Variants in FSTL5 observed in about 807,000 individuals in gnomAD.
FSTL5 encodes the protein follistatin like 5.
In FSTL5, 62 loss-of-function variants were observed where a neutral mutation model predicts 89.1. The ratio of observed to expected loss-of-function variants is 0.70; its 90% confidence interval spans 0.57 to 0.86. The LOEUF (loss-of-function observed/expected upper bound fraction) is 0.86, where lower values mean the gene tolerates loss of function less well. FSTL5 is among the 40% of genes least tolerant of loss of function. FSTL5 has a pLI of 0.00. For synonymous variants in FSTL5, 383 were observed against 346.2 expected (o/e 1.11, Z -1.18); for missense variants, 1,057 against 1,001.6 (o/e 1.06, Z -0.75).
intron 15 of FSTL5, among the ~76,000 whole-genome samples, chr4:161,419,841 C>G (rs1054234926): frequency 1.3e-5 from 2 of 152,176 alleles, no homozygotes; most frequent in Non-Finnish European, 2.9e-5. Context: ...ACTTTATGTT[C>G]TGCTGGCCTA....
chr4:161,619,490 A>G (rs1735030056), intron 7 of FSTL5, among the ~76,000 whole-genome samples: 1 of 152,236 alleles, frequency 6.6e-6, no homozygotes, highest in Non-Finnish European at 1.5e-5. Context: ...AAATAAATTT[A>G]CAAGAAAAAA....
At chr4:161,422,525 T>A (rs754084784) in intron 15 of FSTL5, among the ~76,000 whole-genome samples, 1 of 152,194 alleles carries the variant, frequency 6.6e-6, no homozygotes, top group Admixed American at 6.5e-5. Flanking sequence ...GGAATGATCA[T>A]AGAGAAGGTG....
chr4:161,775,987 T>A lies in FSTL5; in HGVS notation c.497A>T (p.Glu166Val). The stretch of plus-strand genomic sequence containing the variant: ...AGATATGTCGTCGCCATTAGGATTT[T>A]CATTTTCTTGCATAATATATTTTTG... ...QNQKYIMQEN[E>V]NPNGDDISRK... The change falls in exon 5 of 16, where the codon GAA (glutamate) becomes GTA (valine). Residue 166 changes from glutamate (E) to valine (V), a missense_variant. Coordinates refer to ENST00000306100, the MANE Select transcript of FSTL5 (RefSeq NM_020116.5). The A allele has an allele frequency of 6.2e-7, 1 of 1,601,654 alleles. No individual in the cohort carries two copies. The highest frequency in any genetic ancestry group is 8.5e-7 in the Non-Finnish European group (1 of 1,171,106).
At chr4:161,599,047 G>A (rs928344813) in intron 7 of FSTL5, among the ~76,000 whole-genome samples, 1 of 151,666 alleles carries the variant, frequency 6.6e-6, no homozygotes, top group Non-Finnish European at 1.5e-5. Context: ...TCAAAACAGT[G>A]AAACTACAAG....
chr4:161,964,360 T>C (rs1276933130), intron 3 of FSTL5, among the ~76,000 whole-genome samples: 1 of 152,054 alleles, frequency 6.6e-6, no homozygotes, highest in Non-Finnish European at 1.5e-5. Flanking sequence ...TTAGACTCCA[T>C]AGAGCGGTGC....
intron 4 of FSTL5, among the ~76,000 whole-genome samples, chr4:161,814,183 A>C (rs2126842901): frequency 6.6e-6 from 1 of 152,286 alleles, no homozygotes; most frequent in African/African-American, 2.4e-5. Context: ...GAGAAGGATA[A>C]GAAAATGAAA....
intron 3 of FSTL5, among the ~76,000 whole-genome samples, chr4:162,010,477 C>G (rs1387907115): frequency 6.6e-6 from 1 of 152,114 alleles, no homozygotes; most frequent in Non-Finnish European, 1.5e-5. Context: ...ATGTAGTTCA[C>G]TCTTTTACAG....
intron 7 of FSTL5, among the ~76,000 whole-genome samples, chr4:161,645,694 G>A (rs907664652): frequency 2.6e-5 from 4 of 152,090 alleles, no homozygotes; most frequent in African/African-American, 9.7e-5. Flanking sequence ...ATTAATGCAT[G>A]TTCCATGTTT....
intron 6 of FSTL5, among the ~76,000 whole-genome samples, chr4:161,744,366 C>T (rs1740121596): frequency 6.6e-6 from 1 of 152,054 alleles, no homozygotes. Context: ...TGAGTTGTAC[C>T]ATCCTCACAT....
Position 161,449,172 on chromosome 4 carries a change from C to A in FSTL5, c.1841+5832G>T, listed in dbSNP as rs925826350. Reference sequence around the variant, plus strand: ...TATCTCTATTCATCTTACTGCTTATCATGTAATCACTGACTGAAATAAATA... The same window carrying A: ...TATCTCTATTCATCTTACTGCTTATAATGTAATCACTGACTGAAATAAATA... On this transcript the variant is annotated intron_variant, in intron 15 of 15. Transcript: ENST00000306100. Among the ~76,000 whole-genome samples, 4 of 152,022 alleles carry A rather than the reference C, an allele frequency of 2.6e-5. 1 individual carries two copies. Among genetic ancestry groups the A allele is most frequent in the Non-Finnish European group, 4.4e-5 (3 of 67,998 alleles).
chr4:161,663,181 T>C (rs1217474187), intron 6 of FSTL5, among the ~76,000 whole-genome samples: 1 of 152,108 alleles, frequency 6.6e-6, no homozygotes, highest in Non-Finnish European at 1.5e-5. Context: ...ATTCCTCCTC[T>C]GGACTCTCCA....
intron 7 of FSTL5, among the ~76,000 whole-genome samples, chr4:161,639,692 T>C (rs571957316): frequency 1.3e-5 from 2 of 152,270 alleles, no homozygotes; most frequent in South Asian, 2.1e-4. Context: ...TTCAGCTATA[T>C]TGTCATAGCA....
chr4:161,520,876 T>C (rs1374425453), intron 10 of FSTL5, among the ~76,000 whole-genome samples: 1 of 152,228 alleles, frequency 6.6e-6, no homozygotes, highest in Non-Finnish European at 1.5e-5. Context: ...GGATTAATTG[T>C]AGAATTAATT....
At chr4:161,999,244 A>G (rs1736390116) in intron 3 of FSTL5, among the ~76,000 whole-genome samples, 1 of 152,224 alleles carries the variant, frequency 6.6e-6, no homozygotes, top group African/African-American at 2.4e-5. Context: ...TATTATAGAT[A>G]TTCTCTGATT....
rs17041891 is a variant in FSTL5 at position 162,046,415 on chromosome 4, G to C, written c.127-12757C>G. Among the ~76,000 whole-genome samples, 1,205 of 152,254 alleles carry C rather than the reference G, an allele frequency of 7.9e-3. 16 individuals are homozygous for C. The highest frequency in any genetic ancestry group is 0.028 in the African/African-American group (1,150 of 41,562). On this transcript the variant is annotated intron_variant, in intron 2 of 15. Coordinates refer to ENST00000306100, the MANE Select transcript of FSTL5 (RefSeq NM_020116.5). ...GGCAAAGTAATTTACTCGGGGAAAAGAGCATTAAGCTGCACAAAGGCACAG... is the reference window on the plus strand; with the variant it reads ...GGCAAAGTAATTTACTCGGGGAAAACAGCATTAAGCTGCACAAAGGCACAG...
chr4:161,489,895 G>C lies in FSTL5; in HGVS notation c.1459-8726C>G, dbSNP rs1729803939. ...TTGTTAATGCAGCTTTTAAAACATG[G>C]CTGCAGGAATTAAAATGCAGAATTT... On this transcript the variant is annotated intron_variant, in intron 12 of 15. Coordinates refer to ENST00000306100, the MANE Select transcript of FSTL5 (RefSeq NM_020116.5). Among the ~76,000 whole-genome samples the C allele has an allele frequency of 3.3e-5, 5 of 150,482 alleles. No homozygotes were observed. In the South Asian group the frequency reaches 1.1e-3, roughly 32 times the overall value.
chr4:162,084,712 G>A (rs1730239683), intron 2 of FSTL5, among the ~76,000 whole-genome samples: 1 of 152,056 alleles, frequency 6.6e-6, no homozygotes, highest in South Asian at 2.1e-4. Context: ...TCATAAGTGA[G>A]AGTTGAAGAA....
intron 3 of FSTL5, among the ~76,000 whole-genome samples, chr4:161,984,957 T>C (rs1735921493): frequency 1.3e-5 from 2 of 151,732 alleles, no homozygotes; most frequent in African/African-American, 4.8e-5. Context: ...ATTATCTGAA[T>C]ACTTTTTTTT....
chr4:162,135,730 C>T (rs1347286279), intron 1 of FSTL5, among the ~76,000 whole-genome samples: 1 of 152,044 alleles, frequency 6.6e-6, no homozygotes, highest in Non-Finnish European at 1.5e-5. Flanking sequence ...TGTAGTCTAG[C>T]ACCAGTGTAG....
Sources: gnomAD v4.1 joint callset for allele counts (sites outside exome capture counted in the v4.1 genomes callset) on GRCh38, gnomAD v4.1.1 for gene constraint, MANE v1.5 for transcripts, NCBI Gene and HGNC (gene_info 2026-07-23, HGNC 2026-07-21) for gene names.